Variants in ADAMTS14 observed in about 807,000 individuals in gnomAD.
The protein encoded by ADAMTS14 is ADAM metallopeptidase with thrombospondin type 1 motif 14.
A neutral mutation model predicts 128.6 loss-of-function variants in ADAMTS14; 100 were observed. The ratio of observed to expected loss-of-function variants is 0.78; its 90% CI spans 0.66 to 0.92. ADAMTS14 has a LOEUF of 0.92. Among genes scored for constraint, ADAMTS14 ranks in the 40% least tolerant of loss-of-function variants. The pLI is 0.00. For synonymous variants in ADAMTS14, 665 were observed against 653.8 expected (o/e 1.02, Z -0.26); for missense variants, 1,562 against 1,658.6 (o/e 0.94, Z 1.01).
chr10:70,678,543 A>C (rs577974937), intron 2 of ADAMTS14, among the ~76,000 whole-genome samples: 1 of 151,152 alleles, frequency 6.6e-6, no homozygotes, highest in South Asian at 2.1e-4. Flanking sequence ...GGTTGGGCAG[A>C]GGAAGGAGCA....
chr10:70,714,425 T>C (rs923243421), intron 4 of ADAMTS14, among the ~76,000 whole-genome samples: 1 of 152,236 alleles, frequency 6.6e-6, no homozygotes, highest in Non-Finnish European at 1.5e-5. Context: ...AGCACCACTG[T>C]GTCCACTCCA....
In ADAMTS14 at chr10:70,696,242, C is replaced by T. The variant is rs376309484; in HGVS notation, c.523-6070C>T. 5.3e-5 allele frequency among the ~76,000 whole-genome samples: 8 copies of T among 151,908 alleles called. No homozygotes were observed. The East Asian group carries it at 1.4e-3, about 26-fold the overall frequency. On this transcript the variant is annotated intron_variant, in intron 2 of 21. Coordinates refer to ENST00000373207, the MANE Select transcript of ADAMTS14 (RefSeq NM_080722.4). ...CTTGAGGAGGTAACAGAGAGGTGAT[C>T]CTGAGCACGGAGTAGGGGGACCACA...
chr10:70,724,609 C>A (rs1051149310), intron 4 of ADAMTS14, among the ~76,000 whole-genome samples: 1 of 152,198 alleles, frequency 6.6e-6, no homozygotes, highest in Non-Finnish European at 1.5e-5. Context: ...CCAGACATGG[C>A]AGCCCTGTCC....
chr10:70,753,313 G>A (rs1357072452), intron 18 of ADAMTS14, among the ~76,000 whole-genome samples: 1 of 152,198 alleles, frequency 6.6e-6, no homozygotes, highest in Non-Finnish European at 1.5e-5. Flanking sequence ...CTATGTGGAA[G>A]CTCTGTGGAT....
intron 4 of ADAMTS14, among the ~76,000 whole-genome samples, chr10:70,715,318 C>A (rs1340726159): frequency 6.6e-6 from 1 of 152,086 alleles, no homozygotes; most frequent in African/African-American, 2.4e-5. Flanking sequence ...GGAACAGGAC[C>A]CCAGGAGAGG....
intron 5 of ADAMTS14, 50 bp downstream of exon 5, chr10:70,729,427 G>T: frequency 8.7e-6 from 13 of 1,490,358 alleles, no homozygotes; most frequent in Non-Finnish European, 1.1e-5. Flanking sequence ...GGGTTGTGGG[G>T]CCAGAGTGTT....
At chr10:70,721,961 TG>T (rs1465381725) in intron 4 of ADAMTS14, among the ~76,000 whole-genome samples, 3 of 152,174 alleles carry the variant, frequency 2.0e-5, no homozygotes, top group African/African-American at 7.2e-5. Flanking sequence ...TTGATTTTAC[TG>T]GGAGGTGTCA....
At chr10:70,731,701 C>T (rs1371119008) in intron 6 of ADAMTS14, among the ~76,000 whole-genome samples, 3 of 152,338 alleles carry the variant, frequency 2.0e-5, no homozygotes, top group Admixed American at 6.5e-5. Context: ...TTCCCTTTCC[C>T]CTTCCTCCAG....
rs373353959 is a variant in ADAMTS14, at chr10:70,716,434, C to T, written c.870+7656C>T. Among the ~76,000 whole-genome samples the T allele has an allele frequency of 2.1e-4, 32 of 152,254 alleles. No homozygotes were observed. The East Asian group carries it at 5.0e-3, about 24-fold the overall frequency. On this transcript the variant is annotated intron_variant, in intron 4 of 21. Transcript: ENST00000373207. ...GCTGCTGCCATCGCGGGTACATGGG[C>T]GGTGTGGGGTTCTGGCTTCCCCCGA...
At chr10:70,730,062 A>T in intron 5 of ADAMTS14, 40 bp from the exon 6 acceptor site, 1 of 1,549,528 alleles carries the variant, frequency 6.5e-7, no homozygotes, top group East Asian at 2.3e-5. Context: ...TAGGGCTCTG[A>T]CCCTCCACGT....
chr10:70,737,325 G>A lies in ADAMTS14; in HGVS notation c.1599+532G>A, dbSNP rs530946142. Among the ~76,000 whole-genome samples the A allele has an allele frequency of 2.6e-5, 4 of 152,278 alleles. 1 individual carries two copies. Among genetic ancestry groups the A allele is most frequent in the South Asian group, 4.1e-4 (2 of 4,822 alleles). On this transcript the variant is annotated intron_variant, in intron 10 of 21. Transcript: ENST00000373207. ...GGGCTTCATTTGCCCGGGGGACCCC[G>A]TGGCTGGGTCTGAAACCCAGCTCTG...
intron 2 of ADAMTS14, among the ~76,000 whole-genome samples, chr10:70,677,826 G>A (rs559490616): frequency 6.6e-6 from 1 of 152,324 alleles, no homozygotes; most frequent in South Asian, 2.1e-4. Context: ...ACAGCAAGGG[G>A]CTGTGTCCCA....
chr10:70,726,125 G>A (rs1841419254), intron 4 of ADAMTS14, among the ~76,000 whole-genome samples: 1 of 152,214 alleles, frequency 6.6e-6, no homozygotes, highest in South Asian at 2.1e-4. Flanking sequence ...GTGGGAAGTG[G>A]CATCAGGGGG....
intron 2 of ADAMTS14, among the ~76,000 whole-genome samples, chr10:70,696,856 G>A (rs1016567019): frequency 2.6e-5 from 4 of 152,182 alleles, no homozygotes; most frequent in Non-Finnish European, 5.9e-5. Flanking sequence ...GCATGCAGAT[G>A]CAGGTGGCCC....
At chr10:70,675,114 T>G in intron 2 of ADAMTS14, 119 bp downstream of exon 2, 1 of 1,268,026 alleles carries the variant, frequency 7.9e-7, no homozygotes, top group Non-Finnish European at 1.1e-6. Context: ...GGTGCTGCCT[T>G]CCAGAGGGAG....
At position 70,672,686 on chromosome 10, in the gene ADAMTS14, GGC is replaced by G; in HGVS notation, c.-116_-115del. The stretch of plus-strand genomic sequence containing the variant: ...AGCTAGGCGGGGAGGCGGCTGAGGC[GGC>G]AGCGGCGGCAGCCAGCCGGTGCTCC... On this transcript the variant is annotated 5_prime_UTR_variant, in exon 1 of 22. Transcript: ENST00000373207. The G allele has an allele frequency of 1.4e-6, 1 of 704,784 alleles. No homozygotes were observed. The highest frequency in any genetic ancestry group is 1.9e-6 in the Non-Finnish European group (1 of 534,070). 43.7% of individuals were successfully genotyped at this position (704,784 alleles called of 1,614,324 possible).
Position 70,698,125 on chromosome 10 carries a change from A to G in ADAMTS14, c.523-4187A>G, listed in dbSNP as rs139783783. ...TTTAGTTTTACTGTGTGAAGAACCTATCTAGTACATATTTCCTATTTGTTT... is the reference window on the plus strand; with the variant it reads ...TTTAGTTTTACTGTGTGAAGAACCTGTCTAGTACATATTTCCTATTTGTTT... On this transcript the variant is annotated intron_variant, in intron 2 of 21. Transcript: ENST00000373207. Among the ~76,000 whole-genome samples the G allele has an allele frequency of 2.5e-3, 388 of 152,320 alleles. 2 individuals are homozygous for G. The highest frequency in any genetic ancestry group is 8.9e-3 in the African/African-American group (369 of 41,556).
At chr10:70,758,151 A>G in intron 20 of ADAMTS14, 24 bp from the exon 21 acceptor site, 1 of 1,613,608 alleles carries the variant, frequency 6.2e-7, no homozygotes, top group South Asian at 1.1e-5. Context: ...CCCAAATACT[A>G]GAATTGCTTC....
chr10:70,744,165 C>T lies in ADAMTS14; in HGVS notation c.2158C>T (p.Leu720=). 2.6e-6 allele frequency: 4 copies of T among 1,540,212 alleles called. No homozygotes were observed. The highest frequency in any genetic ancestry group is 3.5e-6 in the Non-Finnish European group (4 of 1,138,326). The part of the protein sequence containing the change: ...NSHCRTVKGT[L]GKASKQAGAL... The stretch of plus-strand genomic sequence containing the variant: ...CCACTGCAGGACTGTGAAGGGGACG[C>T]TGGGCAAGGCCTCCAAGCAGGCAGG... Residue 720 remains leucine (L), a synonymous_variant, in exon 14 of 22, where the codon CTG becomes TTG. Transcript: ENST00000373207.
Sources: gnomAD v4.1 joint callset for allele counts (sites outside exome capture counted in the v4.1 genomes callset) on GRCh38, gnomAD v4.1.1 for gene constraint, MANE v1.5 for transcripts, NCBI Gene and HGNC (gene_info 2026-07-23, HGNC 2026-07-21) for gene names.